Variants in RNF114 observed in about 807,000 individuals in gnomAD.
The protein encoded by RNF114 is E3 ubiquitin-protein ligase RNF114.
A neutral mutation model predicts 28.4 loss-of-function variants in RNF114; 6 were observed. That is an observed-to-expected ratio of 0.21 (90% CI 0.12 to 0.42). RNF114 has a LOEUF of 0.42. Among genes scored for constraint, RNF114 ranks in the 10% least tolerant of loss-of-function variants. RNF114 has a pLI of 1.00. For missense variants in RNF114, 249 were observed against 311.7 expected (o/e 0.80, Z 1.51); for synonymous variants, 115 against 116.7 (o/e 0.99, Z 0.09).
intron 1 of RNF114, among the ~76,000 whole-genome samples, chr20:49,939,972 T>G (rs1222292495): frequency 1.4e-5 from 2 of 146,650 alleles, no homozygotes; most frequent in Non-Finnish European, 3.0e-5. Context: ...GAGAATCGCT[T>G]GGACCGGGGA....
rs45459093 is a variant in RNF114, at chr20:49,936,490, C to T, written c.78C>T (p.Arg26=). Reference sequence around the variant, plus strand: ...CGGCGGAGGCTGACCCCCTAGGACGCTTCACGTGTCCCGTGTGCTTAGAGG... The same window carrying T: ...CGGCGGAGGCTGACCCCCTAGGACGTTTCACGTGTCCCGTGTGCTTAGAGG... ...GPAAEADPLG[R]FTCPVCLEVY... Residue 26 remains arginine, a synonymous_variant, in exon 1 of 6, where the codon CGC becomes CGT. Coordinates refer to ENST00000244061, the MANE Select transcript of RNF114 (RefSeq NM_018683.4). 72 of 1,569,034 alleles carry T rather than the reference C, an allele frequency of 4.6e-5. No homozygotes were observed. The highest frequency in any genetic ancestry group is 6.0e-5 in the Non-Finnish European group (70 of 1,158,544).
chr20:49,949,393 G>A, intron 5 of RNF114, 38 bp downstream of exon 5: 1 of 1,517,988 alleles, frequency 6.6e-7, no homozygotes, highest in Non-Finnish European at 9.1e-7. Flanking sequence ...CTCCCCTGGG[G>A]GAGTGGCACG....
rs1369492169 is a variant in RNF114 at position 49,939,942 on chromosome 20, CA to C, written c.141-1618del. ...GGTCATGCGCGCCTGTAACCCCAGCCACTTGGGAGTCTGAAGCAGGAGAATC... is the reference window on the plus strand; with the variant it reads ...GGTCATGCGCGCCTGTAACCCCAGCCCTTGGGAGTCTGAAGCAGGAGAATC... On this transcript the variant is annotated intron_variant, in intron 1 of 5. Coordinates refer to ENST00000244061, the MANE Select transcript of RNF114 (RefSeq NM_018683.4). Among the ~76,000 whole-genome samples the C allele has an allele frequency of 6.6e-5, 10 of 150,756 alleles. 1 individual carries two copies. In the East Asian group the frequency reaches 2.0e-3, roughly 30 times the overall value.
intron 2 of RNF114, chr20:49,943,901 T>C (rs1190294388): frequency 6.8e-6 from 1 of 147,042 alleles, no homozygotes; most frequent in Non-Finnish European, 1.5e-5. Context: ...TATATATATT[T>C]GTATTTTTAG....
At chr20:49,941,834 C>A in intron 2 of RNF114, 123 bp downstream of exon 2, 2 of 957,488 alleles carry the variant, frequency 2.1e-6, no homozygotes, top group Non-Finnish European at 3.1e-6. Flanking sequence ...GCGTGCATGC[C>A]AATTACCTGT....
At chr20:49,941,401 T>A (rs2090307214) in intron 1 of RNF114, among the ~76,000 whole-genome samples, 160 bp from the exon 2 acceptor site, 1 of 152,240 alleles carries the variant, frequency 6.6e-6, no homozygotes. Context: ...CTCCTATCCC[T>A]CATTTTTTCT....
intron 2 of RNF114, 49 bp downstream of exon 2, chr20:49,941,760 G>T: frequency 6.3e-7 from 1 of 1,587,950 alleles, no homozygotes; most frequent in Non-Finnish European, 8.6e-7. Context: ...TGATAAGTTG[G>T]GGTAAAACGT....
chr20:49,942,492 T>G (rs2090311648), intron 2 of RNF114, among the ~76,000 whole-genome samples: 1 of 152,196 alleles, frequency 6.6e-6, no homozygotes, highest in East Asian at 1.9e-4. Context: ...CACAATAATG[T>G]AGGCTTGTTC....
rs2090346501 is a variant in RNF114, at chr20:49,949,235, T to C, written c.514-13T>C. The C allele has an allele frequency of 6.2e-7, 1 of 1,612,134 alleles. No homozygotes were observed. Among genetic ancestry groups the C allele is most frequent in the Non-Finnish European group, 8.5e-7 (1 of 1,178,266 alleles). ...GAAATTGGGTGCCTAAGACCTTGCT[T>C]TTGTGTTGAAAGGTTTGTCCGATAT... On this transcript the variant is annotated splice_polypyrimidine_tract_variant and intron_variant, in intron 4 of 5. Coordinates refer to ENST00000244061, the MANE Select transcript of RNF114 (RefSeq NM_018683.4).
intron 3 of RNF114, 91 bp from the exon 4 acceptor site, chr20:49,946,045 C>A: frequency 1.6e-6 from 1 of 614,412 alleles, no homozygotes; most frequent in Non-Finnish European, 2.9e-6. Context: ...ATTTGGTGAG[C>A]TTTGCTCCTT....
chr20:49,948,180 A>G (rs1458216052), intron 4 of RNF114, among the ~76,000 whole-genome samples: 1 of 152,008 alleles, frequency 6.6e-6, no homozygotes, highest in African/African-American at 2.4e-5. Context: ...CTAGCTCCCC[A>G]GCTACAGCTG....
At chr20:49,947,719 C>A (rs2090338517) in intron 4 of RNF114, among the ~76,000 whole-genome samples, 1 of 145,636 alleles carries the variant, frequency 6.9e-6, no homozygotes, top group South Asian at 2.2e-4. Context: ...TATGTTGAGG[C>A]CTTCTCTTCA....
chr20:49,941,435 A>C, intron 1 of RNF114, 126 bp from the exon 2 acceptor site: 7 of 1,048,758 alleles, frequency 6.7e-6, no homozygotes, highest in Non-Finnish European at 9.6e-6. Flanking sequence ...TTAGTATTTG[A>C]ACTGGGAGGA....
At chr20:49,942,023 G>A (rs1003868227) in intron 2 of RNF114, 4 of 276,142 alleles carry the variant, frequency 1.4e-5, no homozygotes, top group Middle Eastern at 1.2e-3. Context: ...CCAGCTCTTT[G>A]GGAGTCCGAG....
Position 49,936,484 on chromosome 20 carries a change from A to T in RNF114, c.72A>T (p.Leu24=). 2.6e-6 allele frequency: 4 copies of T among 1,564,476 alleles called. No individual in the cohort carries two copies. Among genetic ancestry groups the T allele is most frequent in the Non-Finnish European group, 3.5e-6 (4 of 1,156,208 alleles). The change falls in exon 1 of 6, where the codon CTA becomes CTT. Residue 24 remains leucine (L), a synonymous_variant. Coordinates refer to ENST00000244061, the MANE Select transcript of RNF114 (RefSeq NM_018683.4). The part of the protein sequence containing the change: ...LAGPAAEADP[L]GRFTCPVCLE... ...GGCCGGCGGCGGAGGCTGACCCCCTAGGACGCTTCACGTGTCCCGTGTGCT... is the reference window on the plus strand; with the variant it reads ...GGCCGGCGGCGGAGGCTGACCCCCTTGGACGCTTCACGTGTCCCGTGTGCT...
Position 49,941,617 on chromosome 20 carries a change from T to C in RNF114, c.197T>C (p.Val66Ala), listed in dbSNP as rs1209818549. 1.2e-6 allele frequency: 2 copies of C among 1,612,290 alleles called. No homozygotes were observed. The highest frequency in any genetic ancestry group is 1.3e-5 in the African/African-American group (1 of 74,908). The change falls in exon 2 of 6, where the codon GTG becomes GCG. Residue 66 changes from valine to alanine, a missense_variant. By Grantham distance (64) the Val-to-Ala change is moderately conservative. Around this residue, in one of 2 missense-constraint regions of RNF114, gnomAD observed 123 missense variants for 106.4 expected, o/e 1.16. Coordinates refer to ENST00000244061, the MANE Select transcript of RNF114 (RefSeq NM_018683.4). ...CLKPKKPVCG[V>A]CRSALAPGVR... ...AAGCCGAAGAAGCCTGTCTGTGGGG[T>C]GTGTCGCAGCGCTCTGGCACCTGGC...
chr20:49,946,102 A>AAAGTTTTCTTTT (rs1234163645), intron 3 of RNF114, 34 bp from the exon 4 acceptor site: 1 of 1,269,688 alleles, frequency 7.9e-7, no homozygotes, highest in Non-Finnish European at 1.1e-6. Context: ...TACTCACAGA[A>AAAGTTTTCTTTT]AAGTTTTCTT....
Position 49,939,809 on chromosome 20 carries a change from C to T in RNF114, c.141-1752C>T, listed in dbSNP as rs368364867. ...GTGGCTCACACCTGTAATCCCAGCACTTTGGGAGGCCAAGACGGGTGGATC... is the reference window on the plus strand; with the variant it reads ...GTGGCTCACACCTGTAATCCCAGCATTTTGGGAGGCCAAGACGGGTGGATC... On this transcript the variant is annotated intron_variant, in intron 1 of 5. Coordinates refer to ENST00000244061, the MANE Select transcript of RNF114 (RefSeq NM_018683.4). Among the ~76,000 whole-genome samples the T allele has an allele frequency of 3.1e-3, 469 of 151,634 alleles. 1 individual carries two copies. The highest frequency in any genetic ancestry group is 0.028 in the Middle Eastern group (8 of 288).
intron 4 of RNF114, among the ~76,000 whole-genome samples, chr20:49,946,543 G>T (rs2041066365): frequency 6.6e-6 from 1 of 152,146 alleles, no homozygotes; most frequent in Admixed American, 6.5e-5. Context: ...TTATATTTTT[G>T]TGTGTATAAT....
Sources: allele counts gnomAD v4.1 joint callset (sites outside exome capture counted in the v4.1 genomes callset), GRCh38; gene constraint gnomAD v4.1.1; regional missense constraint gnomAD v4.1.1; transcripts MANE v1.5; gene names NCBI Gene and HGNC (gene_info 2026-07-23, HGNC 2026-07-21).